GREB1: variants seen among roughly 807,000 people sequenced by gnomAD.
The protein encoded by GREB1 is growth regulating estrogen receptor binding 1.
GREB1 carries 106 observed loss-of-function variants against 200.7 expected under a neutral mutation model. The observed-to-expected ratio is 0.53, with a 90% CI of 0.45 to 0.62. GREB1 has a LOEUF of 0.62. GREB1 is among the 20% of genes least tolerant of loss of function. The pLI, the probability that GREB1 is intolerant of heterozygous loss-of-function variation, is 0.00. For synonymous variants in GREB1, 1,132 were observed against 1,092.4 expected, an observed-to-expected ratio of 1.04 and a Z score of -0.72; for missense variants, 2,243 against 2,556.8, an observed-to-expected ratio of 0.88 and a Z score of 2.65.
chr2:11,610,643 G>T (rs745315621), intron 17 of GREB1, 45 bp from the exon 18 acceptor site: 1 of 1,446,982 alleles, frequency 6.9e-7, no homozygotes, highest in Non-Finnish European at 9.5e-7. Context: ...CAGCAGGCCG[G>T]TGGGCGCGGC....
chr2:11,601,070 C>G (rs752450984), intron 16 of GREB1, 75 bp downstream of exon 16: 4 of 1,209,596 alleles, frequency 3.3e-6, no homozygotes, highest in Non-Finnish European at 3.5e-6. Context: ...TTAGTAACAG[C>G]CTTGACCAGT....
chr2:11,562,680 GTCCTCTTTGCTCT>G (rs1466874576), intron 3 of GREB1, 98 bp downstream of exon 3: 1 of 1,356,876 alleles, frequency 7.4e-7, no homozygotes, highest in Non-Finnish European at 9.9e-7. Context: ...TGCTGCAGGG[GTCCTCTTTGCTCT>G]TCCTCTTTGC....
chr2:11,635,210 C>T, intron 29 of GREB1, 60 bp from the exon 30 acceptor site: 1 of 1,601,608 alleles, frequency 6.2e-7, no homozygotes, highest in Non-Finnish European at 8.5e-7. Flanking sequence ...GTGCTGGGGG[C>T]AGTGACGGAG....
In GREB1 at chr2:11,640,254, C is replaced by A. The variant is rs749544295; in HGVS notation, c.5687-37C>A. 3.3e-5 allele frequency: 53 copies of A among 1,586,340 alleles called. No individual in the cohort carries two copies. Among genetic ancestry groups the A allele is most frequent in the Non-Finnish European group, 4.3e-5 (50 of 1,165,830 alleles). On this transcript the variant is annotated intron_variant, in intron 32 of 32. Transcript: ENST00000381486. This position sits in a 1 kb window ranked among gnomAD's most constrained non-coding sequence, Gnocchi z 4.6. Reference sequence around the variant, plus strand: ...GCCGCTTTCCTCTGGATAAACTCACCTTTTCCCTTCCCACACCTCTGCCGT... The same window carrying A: ...GCCGCTTTCCTCTGGATAAACTCACATTTTCCCTTCCCACACCTCTGCCGT...
intron 1 of GREB1, among the ~76,000 whole-genome samples, chr2:11,545,239 A>T (rs983766486): frequency 2.6e-5 from 4 of 151,724 alleles, no homozygotes; most frequent in Admixed American, 2.6e-4. Context: ...GGTTCAAGCG[A>T]TTCTCCTGCC....
chr2:11,616,909 C>T (rs931077629), intron 21 of GREB1, among the ~76,000 whole-genome samples, 189 bp downstream of exon 21: 1 of 152,258 alleles, frequency 6.6e-6, no homozygotes, highest in African/African-American at 2.4e-5. Flanking sequence ...GATCGGAGAA[C>T]TTGAAGACTG....
At chr2:11,634,093 G>T (rs753527208) in intron 28 of GREB1, 38 bp from the exon 29 acceptor site, 20 of 1,588,352 alleles carry the variant, frequency 1.3e-5, no homozygotes, top group Non-Finnish European at 1.7e-5. Flanking sequence ...TGCTGCTCGT[G>T]TGTCAGCCTA....
rs548012861 is a variant in GREB1 at position 11,618,763 on chromosome 2, C to T, written c.3888C>T (p.Arg1296=). ...SPSVMWASSF[R]PLLSKTMTST... is the part of the protein sequence containing the mutation. ...CGGTCATGTGGGCCAGCTCTTTCCG[C>T]CCCCTGCTCAGCAAGACCATGACAT... The change falls in exon 22 of 33, where the codon CGC becomes CGT. Residue 1296 remains arginine (R), a synonymous_variant. Transcript: ENST00000381486. 40 of 1,613,072 alleles carry T rather than the reference C, an allele frequency of 2.5e-5. 1 individual carries two copies. In the South Asian group the frequency reaches 4.2e-4, roughly 17 times the overall value.
Position 11,637,740 on chromosome 2 carries a change from G to A in GREB1, c.5371G>A (p.Val1791Met), listed in dbSNP as rs954638249. 67 of 1,613,540 alleles carry A rather than the reference G, an allele frequency of 4.2e-5. No individual in the cohort carries two copies. The highest frequency in any genetic ancestry group is 4.9e-5 in the Non-Finnish European group (58 of 1,180,010). The part of the protein sequence containing the change: ...SKVSDNSAAV[V>M]PAQYICAPDS... Reference sequence around the variant, plus strand: ...GGTGTCTGATAACTCTGCCGCGGTCGTGCCGGCCCAGTACATCTGTGCCCC... The same window carrying A: ...GGTGTCTGATAACTCTGCCGCGGTCATGCCGGCCCAGTACATCTGTGCCCC... Residue 1791 changes from valine to methionine, a missense_variant, in exon 31 of 33, where the codon GTG becomes ATG. By Grantham distance (21) the Val-to-Met change is conservative. Transcript: ENST00000381486.
intron 9 of GREB1, among the ~76,000 whole-genome samples, chr2:11,587,048 G>A (rs1680178558): frequency 1.3e-5 from 2 of 152,164 alleles, no homozygotes; most frequent in African/African-American, 4.8e-5. Flanking sequence ...CAGGAACCTC[G>A]GAAAAGAAAG....
chr2:11,618,136 C>CACTCCTGGGATGGGTG (rs1683601712), intron 21 of GREB1, 152 bp from the exon 22 acceptor site: 1 of 167,248 alleles, frequency 6.0e-6, no homozygotes, highest in Non-Finnish European at 1.3e-5. Context: ...TGAGATGGGC[C>CACTCCTGGGATGGGTG]ACTCCTGGGA....
At chr2:11,588,071 CA>C (rs1160872351) in intron 9 of GREB1, 14 of 556,980 alleles carry the variant, frequency 2.5e-5, no homozygotes, top group Non-Finnish European at 3.2e-5. Context: ...ACTAAAAATA[CA>C]AAAATTGGCC....
intron 1 of GREB1, among the ~76,000 whole-genome samples, chr2:11,551,615 T>C (rs927645696): frequency 6.6e-6 from 1 of 152,274 alleles, no homozygotes; most frequent in African/African-American, 2.4e-5. Context: ...TTCTAGAGTA[T>C]GTCTGTTCCC....
At chr2:11,617,523 C>G (rs1439600046) in intron 21 of GREB1, among the ~76,000 whole-genome samples, 3 of 152,230 alleles carry the variant, frequency 2.0e-5, no homozygotes. Flanking sequence ...ATGAAGAAGT[C>G]TGTAATTTTG....
rs1379978720 is a variant in GREB1, at chr2:11,615,123, A to T, written c.3155A>T (p.Asn1052Ile). The T allele has an allele frequency of 6.2e-7, 1 of 1,613,070 alleles. No individual in the cohort carries two copies. The highest frequency in any genetic ancestry group is 1.7e-5 in the Admixed American group (1 of 59,924). Residue 1052 changes from asparagine (N) to isoleucine (I), a missense_variant, in exon 20 of 33, where the codon AAC becomes ATC. Transcript: ENST00000381486. ...SLRYCDLRLI[N>I]SSCLVRTALE... The stretch of plus-strand genomic sequence containing the variant: ...AGGTACTGTGACCTGCGATTGATAA[A>T]CTCCTCCTGCTTGGTGAGAACAGCC...
At chr2:11,529,446 C>T (rs866912236), upstream of GREB1, among the ~76,000 whole-genome samples, 12 of 152,298 alleles carry the variant, frequency 7.9e-5, no homozygotes, top group East Asian at 1.9e-4. Flanking sequence ...AAAAGTCTGA[C>T]GGTGACAAGC....
intron 1 of GREB1, among the ~76,000 whole-genome samples, chr2:11,505,380 T>C (rs1035083126): frequency 6.6e-6 from 1 of 152,182 alleles, no homozygotes; most frequent in Non-Finnish European, 1.5e-5. Flanking sequence ...TCTGTCATGG[T>C]GCCTGCCAGC....
intron 4 of GREB1, among the ~76,000 whole-genome samples, chr2:11,570,229 T>G (rs887396613): frequency 8.6e-5 from 13 of 151,922 alleles, no homozygotes; most frequent in Non-Finnish European, 1.5e-4. Context: ...GCCAGCGTGG[T>G]GAAACCCTGT....
intron 1 of GREB1, among the ~76,000 whole-genome samples, chr2:11,489,795 C>T (rs554326537): frequency 1.3e-5 from 2 of 152,138 alleles, no homozygotes; most frequent in South Asian, 4.1e-4. Context: ...AGGTGAATTG[C>T]CACTCTCTTT....
Sources: gnomAD v4.1 joint callset for allele counts (sites outside exome capture counted in the v4.1 genomes callset) on GRCh38, gnomAD v4.1.1 for gene constraint, Gnocchi (gnomAD v3.1) non-coding constraint, MANE v1.5 for transcripts, NCBI Gene and HGNC (gene_info 2026-07-23, HGNC 2026-07-21) for gene names.